The following ATP6V1H variants were observed in gnomAD, a reference collection of about 807,000 sequenced individuals.
The protein encoded by ATP6V1H is ATPase H+ transporting V1 subunit H, also known as V-type proton ATPase subunit H.
A neutral mutation model predicts 71.7 loss-of-function variants in ATP6V1H; 39 were observed. The ratio of observed to expected loss-of-function variants is 0.54; its 90% CI spans 0.42 to 0.71. ATP6V1H has a LOEUF of 0.71. Among genes scored for constraint, ATP6V1H ranks in the 30% least tolerant of loss-of-function variants. The probability of loss-of-function intolerance (pLI) is 0.00; values close to 1 mark genes in which losing one functional copy is unlikely to be tolerated. For missense variants in ATP6V1H, 509 were observed against 594.9 expected (o/e 0.86, Z 1.50); for synonymous variants, 192 against 199.3 (o/e 0.96, Z 0.31).
intron 9 of ATP6V1H, among the ~76,000 whole-genome samples, chr8:53,794,609 G>A (rs1486943995): frequency 9.9e-5 from 15 of 152,058 alleles, no homozygotes; most frequent in East Asian, 3.9e-4. Flanking sequence ...CAGGTGATCC[G>A]CCCACCTCGG....
At chr8:53,807,243 T>A (rs1810108836) in intron 7 of ATP6V1H, among the ~76,000 whole-genome samples, 1 of 151,734 alleles carries the variant, frequency 6.6e-6, no homozygotes, top group South Asian at 2.1e-4. Flanking sequence ...AGTCTCTCAT[T>A]AACAAGAATA....
chr8:53,807,372 G>A (rs1810114572), intron 7 of ATP6V1H, among the ~76,000 whole-genome samples: 1 of 152,020 alleles, frequency 6.6e-6, no homozygotes, highest in Admixed American at 6.6e-5. Flanking sequence ...GGCCGAGGTG[G>A]GCAGATTACC....
chr8:53,780,920 T>C (rs1809099709), intron 9 of ATP6V1H, among the ~76,000 whole-genome samples: 1 of 152,232 alleles, frequency 6.6e-6, no homozygotes, highest in East Asian at 1.9e-4. Context: ...TGTGCCACAT[T>C]TTCTTAATCC....
intron 9 of ATP6V1H, among the ~76,000 whole-genome samples, chr8:53,789,237 G>C (rs544482601): frequency 2.0e-5 from 3 of 152,274 alleles, no homozygotes; most frequent in Admixed American, 2.0e-4. Flanking sequence ...TTTACCTAAT[G>C]ATTCAGTGAA....
chr8:53,823,597 C>T (rs1230231549), intron 4 of ATP6V1H, among the ~76,000 whole-genome samples: 1 of 152,232 alleles, frequency 6.6e-6, no homozygotes. Context: ...CCTGCCTCAG[C>T]CTCCCAGTAG....
chr8:53,783,174 G>T (rs1809231128), intron 9 of ATP6V1H, among the ~76,000 whole-genome samples: 1 of 151,940 alleles, frequency 6.6e-6, no homozygotes. Flanking sequence ...TCTGGTCCTG[G>T]ACTTTTTTTG....
At chr8:53,827,293 G>T (rs1047256099) in intron 4 of ATP6V1H, among the ~76,000 whole-genome samples, 3 of 151,938 alleles carry the variant, frequency 2.0e-5, no homozygotes, top group African/African-American at 7.3e-5. Flanking sequence ...TGAGGCAGGA[G>T]AATCACTTGA....
At chr8:53,840,744 T>C (rs1450016017) in intron 2 of ATP6V1H, among the ~76,000 whole-genome samples, 1 of 152,190 alleles carries the variant, frequency 6.6e-6, no homozygotes, top group Non-Finnish European at 1.5e-5. Context: ...AATACTAATA[T>C]AAAATTAACA....
At chr8:53,829,955 A>C (rs2130520107) in intron 3 of ATP6V1H, among the ~76,000 whole-genome samples, 1 of 152,338 alleles carries the variant, frequency 6.6e-6, no homozygotes, top group South Asian at 2.1e-4. Flanking sequence ...TCCATTCTAC[A>C]GTGTATCAAC....
In ATP6V1H at chr8:53,821,372, C is replaced by CA. The variant is rs576615850; in HGVS notation, c.307-3843dup. On this transcript the variant is annotated intron_variant, in intron 4 of 13. Transcript: ENST00000359530. ...TGGCCAATGGAGCAAGACTCCATCT[C>CA]AAAAAAAAAAAAAAAAGAGAGAGAG... 4.8e-3 allele frequency among the ~76,000 whole-genome samples: 469 copies of CA among 97,994 alleles called. 5 individuals are homozygous for CA. Among genetic ancestry groups the CA allele is most frequent in the African/African-American group, 1.0e-2 (292 of 29,266 alleles). 64.3% of individuals were successfully genotyped at this position (97,994 alleles called of 152,430 possible). A position where few individuals can be genotyped will look rare whatever the true frequency, so the allele number is the denominator to read the frequency against.
rs746619722 is a variant in ATP6V1H at position 53,743,673 on chromosome 8, C to T, written c.1295G>A (p.Gly432Asp). ...PRGKRVIEQLGGKQLVMNHMH... is the reference protein window; with the variant it reads ...PRGKRVIEQLDGKQLVMNHMH... ...GTGGTTCATGACCAGCTGCTTCCCA[C>T]CGAGCTGCTCGATGACCCTGCAAAC... The change falls in exon 13 of 14, where the codon GGT becomes GAT. Residue 432 changes from glycine to aspartate, a missense_variant. By Grantham distance (94) the Gly-to-Asp change is moderately conservative. Around this residue, in one of 2 missense-constraint regions of ATP6V1H, gnomAD observed 212 missense variants for 291.6 expected, o/e 0.73. Transcript: ENST00000359530. The T allele has an allele frequency of 1.2e-6, 2 of 1,611,152 alleles. No individual in the cohort carries two copies. Among genetic ancestry groups the T allele is most frequent in the South Asian group, 2.2e-5 (2 of 90,818 alleles).
In ATP6V1H at chr8:53,741,149, A is replaced by T. The variant is rs80204267; in HGVS notation, c.1391+2428T>A. Among the ~76,000 whole-genome samples, 735 of 152,338 alleles carry T rather than the reference A, an allele frequency of 4.8e-3. 7 individuals are homozygous for T. Among genetic ancestry groups the T allele is most frequent in the African/African-American group, 0.016 (676 of 41,578 alleles). ...AAAGACAGAATACACTTCCTCTTAT[A>T]ATCACACACAGAAAAATGTACTATG... is the stretch of plus-strand genomic sequence containing the variant. On this transcript the variant is annotated intron_variant, in intron 13 of 13. Transcript: ENST00000359530.
chr8:53,840,400 A>C (rs1333968635), intron 2 of ATP6V1H, among the ~76,000 whole-genome samples: 1 of 151,994 alleles, frequency 6.6e-6, no homozygotes, highest in East Asian at 1.9e-4. Context: ...CGGGAGGCTG[A>C]GGAAGGAGAA....
intron 9 of ATP6V1H, among the ~76,000 whole-genome samples, chr8:53,780,560 CTTTAAG>C (rs1809076666): frequency 2.0e-5 from 3 of 151,378 alleles, no homozygotes; most frequent in Non-Finnish European, 1.5e-5. Flanking sequence ...TATTATTACA[CTTTAAG>C]TTTTAGGGTA....
At chr8:53,818,648 T>A (rs1020633474) in intron 4 of ATP6V1H, among the ~76,000 whole-genome samples, 8 of 152,246 alleles carry the variant, frequency 5.3e-5, no homozygotes, top group Non-Finnish European at 1.0e-4. Context: ...GATAAAGAAA[T>A]CTTTCCGGTC....
chr8:53,742,248 C>A (rs1329224473), intron 13 of ATP6V1H, among the ~76,000 whole-genome samples: 1 of 152,196 alleles, frequency 6.6e-6, no homozygotes, highest in African/African-American at 2.4e-5. Flanking sequence ...ATTCTAGGGA[C>A]TGCCTGCATT....
chr8:53,747,232 CAT>C (rs1481491074), intron 12 of ATP6V1H, among the ~76,000 whole-genome samples: 1 of 152,062 alleles, frequency 6.6e-6, no homozygotes, highest in African/African-American at 2.4e-5. Flanking sequence ...CACACTATAA[CAT>C]ATTATGATTC....
chr8:53,793,741 C>G (rs548153381), intron 9 of ATP6V1H, among the ~76,000 whole-genome samples: 46 of 152,096 alleles, frequency 3.0e-4, no homozygotes, highest in Non-Finnish European at 5.6e-4. Context: ...GAGTTCGAGA[C>G]CAGCCTGGGA....
intron 3 of ATP6V1H, among the ~76,000 whole-genome samples, chr8:53,830,286 T>C (rs940485428): frequency 6.6e-6 from 1 of 152,216 alleles, no homozygotes; most frequent in African/African-American, 2.4e-5. Context: ...CTTAAGGATG[T>C]ATAAATTAAA....
Sources: gnomAD v4.1 joint callset for allele counts (sites outside exome capture counted in the v4.1 genomes callset) on GRCh38, gnomAD v4.1.1 for gene constraint, gnomAD v4.1.1 regional missense constraint, MANE v1.5 for transcripts, NCBI Gene and HGNC (gene_info 2026-07-23, HGNC 2026-07-21) for gene names.